The following QRICH2 variants were observed in gnomAD, a reference collection of about 807,000 sequenced individuals.
The protein encoded by QRICH2 is glutamine-rich protein 2.
QRICH2 carries 119 observed loss-of-function variants against 168.3 expected under a neutral mutation model. The ratio of observed to expected loss-of-function variants is 0.71; its 90% confidence interval spans 0.61 to 0.82. QRICH2 has a LOEUF of 0.82. Ranked by LOEUF, QRICH2 falls within the 40% of genes least tolerant of loss-of-function variation. QRICH2 has a pLI of 0.00. For synonymous variants in QRICH2, 894 were observed against 951.2 expected, an observed-to-expected ratio of 0.94 and a Z score of 1.11; for missense variants, 2,241 against 2,491.6, an observed-to-expected ratio of 0.90 and a Z score of 2.14.
Position 76,293,193 on chromosome 17 carries a change from G to A in QRICH2, c.1534C>T (p.Gln512Ter). 1 of 1,614,178 alleles carries A rather than the reference G, an allele frequency of 6.2e-7. No individual in the cohort carries two copies. The highest frequency in any genetic ancestry group is 8.5e-7 in the Non-Finnish European group (1 of 1,180,038). Residue 512 changes from glutamine to a stop codon, truncating the protein, a stop_gained, in exon 4 of 19, where the codon CAG (glutamine) becomes TAG (stop). Transcript: ENST00000680821. LOFTEE classifies it high-confidence loss of function. The part of the protein sequence containing the change: ...QQGLVPPGID[Q>*]QGLTLPVVDQ... ...ACGACAGGCAATGTCAATCCTTGCT[G>A]GTCTATACCAGGGGGTACTAGTCCT...
Position 76,280,426 on chromosome 17 carries a change from G to A in QRICH2, c.4487C>T (p.Thr1496Ile). Residue 1496 changes from threonine (T) to isoleucine (I), a missense_variant, in exon 11 of 19, where the codon ACC becomes ATC. Physicochemically the swap from Thr to Ile is moderately conservative, Grantham distance 89. Transcript: ENST00000680821. This position sits in a 1 kb window ranked among gnomAD's most constrained non-coding sequence, Gnocchi z 7.4. ...DVKADKSALA[T>I]KVSRVQFDAT... ...ATCAAACTGGACACGGCTCACTTTG[G>A]TGGCCAGAGCACTCTTGTCGGCTTT... is the stretch of plus-strand genomic sequence containing the variant. The A allele has an allele frequency of 6.2e-7, 1 of 1,614,110 alleles. No individual in the cohort carries two copies. Among genetic ancestry groups the A allele is most frequent in the South Asian group, 1.1e-5 (1 of 91,084 alleles).
chr17:76,304,447 C>G lies in QRICH2; in HGVS notation c.673G>C (p.Ala225Pro), dbSNP rs1347504115. The G allele has an allele frequency of 6.2e-7, 1 of 1,613,656 alleles. No homozygotes were observed. The change falls in exon 3 of 19, where the codon GCG (alanine) becomes CCG (proline). Residue 225 changes from alanine to proline, a missense_variant. By Grantham distance (27) the Ala-to-Pro change is conservative. Coordinates refer to ENST00000680821, the MANE Select transcript of QRICH2 (RefSeq NM_001388453.1). ...GAGGCTCTCCAGCCGTCCGTAATCG[C>G]CTGCTCCAGCTCTTCCCAGGTGACC... ...TMVTWEELEQAITDGWRASQA... is the reference protein window; with the variant it reads ...TMVTWEELEQPITDGWRASQA...
intron 7 of QRICH2, among the ~76,000 whole-genome samples, chr17:76,285,001 CTGG>C (rs1471420610): frequency 2.0e-5 from 3 of 150,896 alleles, no homozygotes; most frequent in Non-Finnish European, 4.4e-5. Context: ...GTCACCCAGG[CTGG>C]CGTCCAGTGG....
chr17:76,302,372 C>G (rs933253513), intron 3 of QRICH2, among the ~76,000 whole-genome samples: 1 of 133,162 alleles, frequency 7.5e-6, no homozygotes, highest in Non-Finnish European at 1.6e-5. Flanking sequence ...TCTGAAAAAC[C>G]ATTATTTTGG....
intron 7 of QRICH2, among the ~76,000 whole-genome samples, chr17:76,283,669 T>C (rs1479844888): frequency 7.0e-6 from 1 of 143,828 alleles, no homozygotes; most frequent in African/African-American, 2.9e-5. Flanking sequence ...AGGTCAGGAG[T>C]TTGAGACCAG....
intron 18 of QRICH2, among the ~76,000 whole-genome samples, chr17:76,274,913 C>T (rs868867274): frequency 5.3e-5 from 8 of 152,166 alleles, no homozygotes; most frequent in Admixed American, 2.0e-4. Context: ...GAAAGTGGTT[C>T]GTCCATGTAA....
chr17:76,278,254 C>A, intron 14 of QRICH2, 65 bp from the exon 15 acceptor site: 3 of 1,529,324 alleles, frequency 2.0e-6, no homozygotes, highest in Non-Finnish European at 2.7e-6. Context: ...CTTGTGTAAG[C>A]CGAATCCTTC....
intron 17 of QRICH2, among the ~76,000 whole-genome samples, chr17:76,276,304 C>T (rs570650608): frequency 4.6e-5 from 7 of 152,246 alleles, no homozygotes; most frequent in East Asian, 3.9e-4. Flanking sequence ...GGCATTGCCA[C>T]GGGAGGCGGG....
upstream of QRICH2, among the ~76,000 whole-genome samples, chr17:76,308,686 GT>G (rs2071027406): frequency 6.6e-6 from 1 of 152,092 alleles, no homozygotes; most frequent in South Asian, 2.1e-4. Flanking sequence ...TATTCAGGCA[GT>G]TCCAATTAGC....
Position 76,293,984 on chromosome 17 carries a change from C to T in QRICH2, c.743G>A (p.Gly248Glu). 2 of 1,611,576 alleles carry T rather than the reference C, an allele frequency of 1.2e-6. No homozygotes were observed. Among genetic ancestry groups the T allele is most frequent in the Non-Finnish European group, 1.7e-6 (2 of 1,178,338 alleles). The change falls in exon 4 of 19, where the codon GGG (glycine) becomes GAG (glutamate). Residue 248 changes from glycine to glutamate, a missense_variant. Around this residue, in one of 3 missense-constraint regions of QRICH2, gnomAD observed 2,047 missense variants for 2,303.8 expected, o/e 0.89. Coordinates refer to ENST00000680821, the MANE Select transcript of QRICH2 (RefSeq NM_001388453.1). The stretch of plus-strand genomic sequence containing the variant: ...TTCAGGTGATGTTAAGGAAGTGAAC[C>T]CTCCGTGCTTAGAAAATCCCATAAG... ...ETLMGFSKHG[G>E]FTSLTSPEGT...
chr17:76,275,984 C>T, intron 17 of QRICH2, 37 bp from the exon 18 acceptor site: 1 of 1,597,218 alleles, frequency 6.3e-7, no homozygotes. Context: ...AGTGCTGAGG[C>T]AGCGGTGAGA....
chr17:76,292,350 G>C lies in QRICH2; in HGVS notation c.2377C>G (p.Gln793Glu). The C allele has an allele frequency of 2.0e-6, 3 of 1,527,316 alleles. No homozygotes were observed. In the South Asian group the frequency reaches 3.6e-5, roughly 18 times the overall value. 94.6% of individuals were successfully genotyped at this position (1,527,316 alleles called of 1,614,324 possible). The change falls in exon 4 of 19, where the codon CAA becomes GAA. Residue 793 changes from glutamine (Q) to glutamate (E), a missense_variant. By Grantham distance (29) the Gln-to-Glu change is conservative. Coordinates refer to ENST00000680821, the MANE Select transcript of QRICH2 (RefSeq NM_001388453.1). Reference protein sequence around the residue: ...QPGEVQRSLVQPGIVQRGLVQ... With the variant: ...QPGEVQRSLVEPGIVQRGLVQ... ...AAACCACGCTGAACTATACCAGGTT[G>C]CACCAAACTACGCTGAACTTCACCA...
At position 76,292,691 on chromosome 17, in the gene QRICH2, G is replaced by C. The variant is rs953129732; in HGVS notation, c.2036C>G (p.Ala679Gly). The change falls in exon 4 of 19, where the codon GCT becomes GGT. Residue 679 changes from alanine to glycine, a missense_variant. This residue lies in a region of QRICH2 where 2,047 missense variants were observed against 2,303.8 expected (regional missense o/e 0.89). Coordinates refer to ENST00000680821, the MANE Select transcript of QRICH2 (RefSeq NM_001388453.1). ...CTGATATGCACCAGGCTGCACCAAA[G>C]CACGCTGAAATCTGCCAGGTTGGAC... ...GMVQPGRFQR[A>G]LVQPGAYQPG... 1 of 1,612,880 alleles carries C rather than the reference G, an allele frequency of 6.2e-7. No individual in the cohort carries two copies. Among genetic ancestry groups the C allele is most frequent in the Non-Finnish European group, 8.5e-7 (1 of 1,179,730 alleles).
At chr17:76,286,068 G>A (rs1050159676) in intron 7 of QRICH2, among the ~76,000 whole-genome samples, 22 of 151,958 alleles carry the variant, frequency 1.4e-4, no homozygotes, top group African/African-American at 3.1e-4. Context: ...CCAGCTACTC[G>A]GGAGGCTGAG....
intron 3 of QRICH2, among the ~76,000 whole-genome samples, chr17:76,295,052 A>G (rs539040635): frequency 6.8e-6 from 1 of 147,926 alleles, no homozygotes; most frequent in South Asian, 2.2e-4. Flanking sequence ...CAACATGATG[A>G]AACCCCGTCT....
intron 7 of QRICH2, 135 bp from the exon 8 acceptor site, chr17:76,282,250 C>T: frequency 1.9e-6 from 2 of 1,062,002 alleles, no homozygotes; most frequent in South Asian, 1.6e-5. Flanking sequence ...CTCAGTGCCT[C>T]CCAGAGCATG....
chr17:76,298,001 A>T (rs945971661), intron 3 of QRICH2, among the ~76,000 whole-genome samples: 2 of 145,354 alleles, frequency 1.4e-5, no homozygotes, highest in Non-Finnish European at 3.0e-5. Context: ...TCCTGAGTAG[A>T]TGGGATCACA....
At chr17:76,298,348 T>A (rs1034091764) in intron 3 of QRICH2, among the ~76,000 whole-genome samples, 4 of 149,134 alleles carry the variant, frequency 2.7e-5, no homozygotes, top group African/African-American at 9.9e-5. Context: ...CCGGATAATT[T>A]TTTTGTATTT....
chr17:76,310,524 G>A (rs1187532278), upstream of QRICH2: 2 of 151,490 alleles, frequency 1.3e-5, no homozygotes, highest in Non-Finnish European at 2.9e-5. Context: ...GGATGGCAGT[G>A]GTACAATCAT....
Sources: gnomAD v4.1 joint callset for allele counts (sites outside exome capture counted in the v4.1 genomes callset) on GRCh38, gnomAD v4.1.1 for gene constraint, gnomAD v4.1.1 regional missense constraint, Gnocchi (gnomAD v3.1) non-coding constraint, MANE v1.5 for transcripts, NCBI Gene and HGNC (gene_info 2026-07-23, HGNC 2026-07-21) for gene names.